Variants in PLEKHS1 observed in about 807,000 individuals in gnomAD.
The protein encoded by PLEKHS1 is pleckstrin homology domain containing S1.
Under a neutral mutation model 51.0 loss-of-function variants are expected in PLEKHS1, and 55 were observed. The observed-to-expected ratio is 1.08, with a 90% confidence interval of 0.87 to 1.35. PLEKHS1 has a LOEUF of 1.35. PLEKHS1 is among the 40% of genes most tolerant of loss of function. The pLI is 0.00. For synonymous variants in PLEKHS1, 153 were observed against 144.8 expected, an observed-to-expected ratio of 1.06 and a Z score of -0.41; for missense variants, 398 against 423.0, an observed-to-expected ratio of 0.94 and a Z score of 0.52.
At chr10:113,773,444 A>ATAAATAAATAAATAAG (rs1461103367) in intron 8 of PLEKHS1, among the ~76,000 whole-genome samples, 16 of 152,084 alleles carry the variant, frequency 1.1e-4, no homozygotes, top group African/African-American at 3.9e-4. Flanking sequence ...AAATAAATAA[A>ATAAATAAATAAATAAG]TAAGTAAAAA....
chr10:113,757,494 T>A (rs910025404), intron 2 of PLEKHS1, among the ~76,000 whole-genome samples: 1 of 152,344 alleles, frequency 6.6e-6, no homozygotes, highest in South Asian at 2.1e-4. Context: ...TTTGCATACC[T>A]TAATTAAAGA....
intron 2 of PLEKHS1, among the ~76,000 whole-genome samples, chr10:113,761,511 C>T (rs1843932278): frequency 1.4e-5 from 2 of 147,334 alleles, no homozygotes; most frequent in Admixed American, 6.8e-5. Flanking sequence ...TAAATTTAAC[C>T]CTAGGTACTT....
At chr10:113,780,746 A>G (rs757947091) in exon 12 of PLEKHS1, 1 of 1,584,626 alleles carries the variant, frequency 6.3e-7, no homozygotes, top group East Asian at 2.3e-5. Context: ...GAGTCCGGCC[A>G]TTAAAAAGAG....
At chr10:113,769,374 A>T (rs1379159054) in intron 6 of PLEKHS1, among the ~76,000 whole-genome samples, 1 of 152,224 alleles carries the variant, frequency 6.6e-6, no homozygotes, top group Non-Finnish European at 1.5e-5. Flanking sequence ...ACCTTTATAG[A>T]TGGAACTTTG....
intron 11 of PLEKHS1, chr10:113,777,611 G>A: frequency 1.3e-6 from 2 of 1,545,730 alleles, no homozygotes; most frequent in Middle Eastern, 1.7e-4. Flanking sequence ...TATGACTAAT[G>A]ATGGTGCTGG....
chr10:113,761,858 T>C (rs1226378089), intron 2 of PLEKHS1, among the ~76,000 whole-genome samples: 1 of 152,112 alleles, frequency 6.6e-6, no homozygotes, highest in Non-Finnish European at 1.5e-5. Flanking sequence ...TTGAGAAATA[T>C]TCCCTTCTCT....
rs554992984 is a variant in PLEKHS1 at position 113,777,884 on chromosome 10, G to A, written c.1091+2018G>A. On this transcript the variant is annotated intron_variant, in intron 11 of 11. Coordinates refer to ENST00000361048, the Ensembl canonical transcript of PLEKHS1. ...TTACACCTGTAATCCCAGCACTTCG[G>A]AAGGCCAAGGCAGGAGAATCAATTG... The A allele has an allele frequency of 7.5e-5, 65 of 867,392 alleles. No individual in the cohort carries two copies. In the South Asian group the frequency reaches 1.1e-3, roughly 15 times the overall value. 53.7% of individuals were successfully genotyped at this position (867,392 alleles called of 1,614,324 possible).
intron 7 of PLEKHS1, 145 bp from the exon 8 acceptor site, chr10:113,771,825 G>C (rs1844425255): frequency 1.1e-6 from 1 of 937,950 alleles, no homozygotes; most frequent in African/African-American, 1.7e-5. Context: ...GCAAGTTCAA[G>C]TTGTGTGAGC....
intron 11 of PLEKHS1, among the ~76,000 whole-genome samples, chr10:113,779,162 AGTG>A (rs1472489258): frequency 5.9e-5 from 9 of 152,314 alleles, no homozygotes; most frequent in Admixed American, 5.2e-4. Context: ...TCTCAAAGAA[AGTG>A]GTGTTTGGCT....
At chr10:113,772,854 A>G (rs1279744230) in intron 8 of PLEKHS1, among the ~76,000 whole-genome samples, 2 of 152,210 alleles carry the variant, frequency 1.3e-5, no homozygotes, top group East Asian at 3.8e-4. Context: ...ATGGGTCTTG[A>G]ATGCCAAGTT....
chr10:113,761,979 T>C (rs1423127945), intron 2 of PLEKHS1, among the ~76,000 whole-genome samples: 3 of 152,074 alleles, frequency 2.0e-5, no homozygotes, highest in Non-Finnish European at 4.4e-5. Context: ...TAACTACAAC[T>C]CCAATTTCTT....
At chr10:113,760,648 T>G (rs1449947671) in intron 2 of PLEKHS1, among the ~76,000 whole-genome samples, 1 of 152,206 alleles carries the variant, frequency 6.6e-6, no homozygotes, top group Non-Finnish European at 1.5e-5. Context: ...TGTTCACTTT[T>G]TAGTTGAGTT....
At chr10:113,753,526 C>CA (rs1853950285) in intron 1 of PLEKHS1, among the ~76,000 whole-genome samples, 1 of 152,150 alleles carries the variant, frequency 6.6e-6, no homozygotes, top group East Asian at 1.9e-4. Context: ...GTGCCCGCTA[C>CA]AGCAGGCGAG....
At chr10:113,768,637 C>G (rs1188042018) in intron 5 of PLEKHS1, among the ~76,000 whole-genome samples, 178 bp from the exon 6 acceptor site, 1 of 152,198 alleles carries the variant, frequency 6.6e-6, no homozygotes, top group African/African-American at 2.4e-5. Flanking sequence ...GGTGGCTGAG[C>G]ATTAATTCTA....
chr10:113,778,416 A>G (rs1385826845), intron 11 of PLEKHS1, among the ~76,000 whole-genome samples: 4 of 152,222 alleles, frequency 2.6e-5, no homozygotes, highest in Admixed American at 6.5e-5. Flanking sequence ...GTATTAGATG[A>G]TTTCCAAATT....
intron 4 of PLEKHS1, 59 bp downstream of exon 4, chr10:113,766,777 C>A: frequency 7.8e-7 from 1 of 1,281,484 alleles, no homozygotes; most frequent in Non-Finnish European, 1.1e-6. Flanking sequence ...CAAACAGTAA[C>A]AAGTTGCATG....
At chr10:113,775,990 G>C in intron 11 of PLEKHS1, 124 bp downstream of exon 11, 1 of 620,878 alleles carries the variant, frequency 1.6e-6, no homozygotes, top group Non-Finnish European at 2.6e-6. Context: ...AGCTTGGACT[G>C]TTGACTGGCT....
intron 8 of PLEKHS1, 93 bp from the exon 9 acceptor site, chr10:113,774,134 A>G (rs1426662734): frequency 1.1e-5 from 8 of 725,752 alleles, no homozygotes; most frequent in South Asian, 7.0e-5. Context: ...CTGTACCTCT[A>G]TGTCAGAGCC....
intron 2 of PLEKHS1, among the ~76,000 whole-genome samples, chr10:113,755,639 G>C (rs1593003919): frequency 6.6e-6 from 1 of 152,150 alleles, no homozygotes; most frequent in East Asian, 1.9e-4. Context: ...TCCCGGCCTA[G>C]GTGATTCCCC....
Sources: allele counts gnomAD v4.1 joint callset (sites outside exome capture counted in the v4.1 genomes callset), GRCh38; gene constraint gnomAD v4.1.1; transcripts MANE v1.5; gene names NCBI Gene and HGNC (gene_info 2026-07-23, HGNC 2026-07-21).